ABCC3: variants seen among roughly 807,000 people sequenced by gnomAD.
The protein encoded by ABCC3 is ATP binding cassette subfamily C member 3, also known as ATP-binding cassette sub-family C member 3.
ABCC3 carries 121 observed loss-of-function variants against 165.3 expected under a neutral mutation model. That is an observed-to-expected ratio of 0.73 (90% CI 0.63 to 0.85). ABCC3 has a LOEUF of 0.85. Among genes scored for constraint, ABCC3 ranks in the 40% least tolerant of loss-of-function variants. The pLI, the probability that ABCC3 is intolerant of heterozygous loss-of-function variation, is 0.00. For synonymous variants in ABCC3, 733 were observed against 810.1 expected (o/e 0.90, Z 1.62); for missense variants, 1,869 against 1,964.1 (o/e 0.95, Z 0.92).
At chr17:50,674,707 C>T (rs1967763171) in intron 19 of ABCC3, among the ~76,000 whole-genome samples, 1 of 152,034 alleles carries the variant, frequency 6.6e-6, no homozygotes, top group African/African-American at 2.4e-5. Context: ...TATGGCTATA[C>T]ATACAGCCAA....
chr17:50,647,702 T>C (rs1272591143), intron 1 of ABCC3, among the ~76,000 whole-genome samples: 3 of 152,220 alleles, frequency 2.0e-5, no homozygotes, highest in African/African-American at 7.2e-5. Flanking sequence ...CCCACACTGT[T>C]GCAGGGAGGT....
intron 7 of ABCC3, 31 bp from the exon 8 acceptor site, chr17:50,660,892 C>T: frequency 1.9e-6 from 3 of 1,558,284 alleles, no homozygotes; most frequent in Non-Finnish European, 2.6e-6. Context: ...GTCCCCATTC[C>T]TAACCCACTG....
At chr17:50,661,266 A>G (rs1017067569) in intron 8 of ABCC3, 152 bp downstream of exon 8, 2 of 782,600 alleles carry the variant, frequency 2.6e-6, no homozygotes, top group Non-Finnish European at 3.9e-6. Flanking sequence ...GGCAAGTGGC[A>G]TTGCCTGACT....
rs1184804357 is a variant in ABCC3, at chr17:50,659,376, C to A, written c.806+8C>A. 6.2e-7 allele frequency: 1 copy of A among 1,602,064 alleles called. No individual in the cohort carries two copies. Among genetic ancestry groups the A allele is most frequent in the Admixed American group, 1.7e-5 (1 of 59,732 alleles). ...GGAAAAGCAGACGGCACGGTGAGGC[C>A]CTCCCCTTGCCCCAACACCCAGCCC... On this transcript the variant is annotated splice_region_variant and intron_variant, in intron 7 of 30. Coordinates refer to ENST00000285238, the MANE Select transcript of ABCC3 (RefSeq NM_003786.4).
chr17:50,680,245 T>A (rs751564181), intron 26 of ABCC3, among the ~76,000 whole-genome samples: 1 of 152,008 alleles, frequency 6.6e-6, no homozygotes, highest in Non-Finnish European at 1.5e-5. Context: ...CGAGCTTAGA[T>A]GAGAAGGATG....
At chr17:50,689,385 G>A (rs1253723239) in intron 30 of ABCC3, among the ~76,000 whole-genome samples, 2 of 152,192 alleles carry the variant, frequency 1.3e-5, no homozygotes, top group Non-Finnish European at 2.9e-5. Context: ...GTGTGGTGCT[G>A]GAGGTCGAGG....
chr17:50,662,794 A>T (rs538547767), intron 8 of ABCC3, among the ~76,000 whole-genome samples: 1 of 152,208 alleles, frequency 6.6e-6, no homozygotes, highest in South Asian at 2.1e-4. Flanking sequence ...GACACAACTT[A>T]AGCTATCACA....
chr17:50,641,993 G>C (rs1450913294), intron 1 of ABCC3, among the ~76,000 whole-genome samples: 1 of 149,486 alleles, frequency 6.7e-6, no homozygotes, highest in South Asian at 2.1e-4. Flanking sequence ...ATTACAGTGG[G>C]GAAAAAAAAA....
intron 30 of ABCC3, 42 bp downstream of exon 30, chr17:50,687,772 C>T: frequency 6.3e-7 from 1 of 1,587,374 alleles, no homozygotes; most frequent in Non-Finnish European, 8.6e-7. Context: ...CTGGTGGGGC[C>T]ACCTGGGGCA....
chr17:50,666,071 A>T (rs1280395710), intron 11 of ABCC3, among the ~76,000 whole-genome samples: 2 of 152,150 alleles, frequency 1.3e-5, no homozygotes, highest in Middle Eastern at 3.2e-3. Flanking sequence ...CACCAAGCTC[A>T]GGGTACCTCT....
intron 1 of ABCC3, among the ~76,000 whole-genome samples, chr17:50,652,724 C>T (rs981227462): frequency 2.6e-5 from 4 of 152,354 alleles, no homozygotes; most frequent in South Asian, 2.1e-4. Context: ...GAGTCCCAGA[C>T]TCCTTAGATT....
chr17:50,678,701 A>G (rs1359924743), intron 25 of ABCC3, among the ~76,000 whole-genome samples: 1 of 152,182 alleles, frequency 6.6e-6, no homozygotes, highest in African/African-American at 2.4e-5. Flanking sequence ...TGGGCGGATC[A>G]CCTGAGGCCA....
chr17:50,661,386 A>G (rs1161753334), intron 8 of ABCC3, among the ~76,000 whole-genome samples: 1 of 152,252 alleles, frequency 6.6e-6, no homozygotes, highest in Non-Finnish European at 1.5e-5. Flanking sequence ...CAACAATCCT[A>G]TGCGGAATTG....
At chr17:50,653,613 C>T (rs1399995568) in intron 1 of ABCC3, among the ~76,000 whole-genome samples, 1 of 151,834 alleles carries the variant, frequency 6.6e-6, no homozygotes, top group Non-Finnish European at 1.5e-5. Context: ...ATTAGCTGGG[C>T]GTGGAGGCAC....
At position 50,691,206 on chromosome 17, in the gene ABCC3, A is replaced by G; in HGVS notation, c.*6A>G. On this transcript the variant is annotated 3_prime_UTR_variant, in exon 31 of 31. Transcript: ENST00000285238. ...GAGATGCTGGACTTGCCTAAAATAT[A>G]TTCCTGAGATTTCCTCCTGGCCTTT... 6.2e-7 allele frequency: 1 copy of G among 1,603,494 alleles called. No homozygotes were observed. Among genetic ancestry groups the G allele is most frequent in the Non-Finnish European group, 8.5e-7 (1 of 1,170,408 alleles).
rs1967965203 is a variant in ABCC3 at position 50,683,651 on chromosome 17, GCC to G, written c.3853_3854del (p.Pro1285ThrfsTer61). 2.5e-6 allele frequency: 4 copies of G among 1,600,028 alleles called. No homozygotes were observed. Among genetic ancestry groups the G allele is most frequent in the Non-Finnish European group, 3.4e-6 (4 of 1,173,010 alleles). The stretch of plus-strand genomic sequence containing the variant: ...AAGGCAGCCGCCCTCCCGAAGGTTG[GCC>G]CCCACGTGGGGAGGTGGAGTTCCGG... ...VEGSRPPEGW[P>X]PRGEVEFRNY... On this transcript the variant is annotated frameshift_variant, in exon 27 of 31. Transcript: ENST00000285238. LOFTEE classifies it high-confidence loss of function.
chr17:50,682,705 C>T (rs962175060), intron 26 of ABCC3, among the ~76,000 whole-genome samples: 1 of 152,232 alleles, frequency 6.6e-6, no homozygotes, highest in African/African-American at 2.4e-5. Flanking sequence ...GGCCCCAGCA[C>T]TCATCACTTC....
intron 23 of ABCC3, 117 bp from the exon 24 acceptor site, chr17:50,677,627 G>T (rs571018015): frequency 9.8e-7 from 1 of 1,017,820 alleles, no homozygotes; most frequent in Non-Finnish European, 1.5e-6. Context: ...GCGATGTCTC[G>T]TGGTGGGAGT....
Position 50,653,333 on chromosome 17 carries a change from C to T in ABCC3, c.46-2499C>T, listed in dbSNP as rs139143042. 6.0e-3 allele frequency among the ~76,000 whole-genome samples: 681 copies of T among 113,872 alleles called. 1 individual carries two copies. Among genetic ancestry groups the T allele is most frequent in the African/African-American group, 0.022 (626 of 28,010 alleles). The allele number at this position is 113,872 out of a possible 152,430, so 74.7% of individuals were successfully genotyped here. A position where few individuals can be genotyped will look rare whatever the true frequency, so the allele number is the denominator to read the frequency against. On this transcript the variant is annotated intron_variant, in intron 1 of 30. Transcript: ENST00000285238. ...TACACTCCAGCGTGGGGGCCAAGAG[C>T]GAGACTGTCTCAAAAAAAAAAAAAA...
Sources: gnomAD v4.1 joint callset for allele counts (sites outside exome capture counted in the v4.1 genomes callset) on GRCh38, gnomAD v4.1.1 for gene constraint, MANE v1.5 for transcripts, NCBI Gene and HGNC (gene_info 2026-07-23, HGNC 2026-07-21) for gene names.